The following KIRREL3 variants were observed in gnomAD, a reference collection of about 807,000 sequenced individuals.
KIRREL3 encodes kirre like nephrin family adhesion molecule 3.
KIRREL3 carries 36 observed loss-of-function variants against 89.7 expected under a neutral mutation model. The ratio of observed to expected loss-of-function variants is 0.40; its 90% CI spans 0.31 to 0.53. The LOEUF is 0.53. Ranked by LOEUF, KIRREL3 falls within the 20% of genes least tolerant of loss-of-function variation. The pLI is 0.49. For missense variants in KIRREL3, 864 were observed against 1,056.6 expected (o/e 0.82, Z 2.53); for synonymous variants, 445 against 441.4 (o/e 1.01, Z -0.10).
At position 126,783,979 on chromosome 11, in the gene KIRREL3, C is replaced by G. The variant is rs1010461262; in HGVS notation, c.55+216476G>C. Among the ~76,000 whole-genome samples the G allele has an allele frequency of 1.3e-5, 2 of 152,308 alleles. No homozygotes were observed. The highest frequency in any genetic ancestry group is 2.9e-5 in the Non-Finnish European group (2 of 68,036). On this transcript the variant is annotated intron_variant, in intron 1 of 16. Transcript: ENST00000525144. The surrounding 1 kb of genome is among the most constrained non-coding windows in gnomAD (Gnocchi z 4.3). Reference sequence around the variant, plus strand: ...TTGTCTTTGTGGTCTTCCCCCTCGACCTCAGTGTAATCTTGAAAAGAGCAT... The same window carrying G: ...TTGTCTTTGTGGTCTTCCCCCTCGAGCTCAGTGTAATCTTGAAAAGAGCAT...
intron 1 of KIRREL3, among the ~76,000 whole-genome samples, chr11:126,583,618 C>T (rs1234882909): frequency 6.6e-6 from 1 of 152,176 alleles, no homozygotes; most frequent in African/African-American, 2.4e-5. Flanking sequence ...AATTGTGGGA[C>T]CCCGGGCAAG....
At chr11:126,820,357 C>T (rs1943167597) in intron 1 of KIRREL3, among the ~76,000 whole-genome samples, 1 of 152,208 alleles carries the variant, frequency 6.6e-6, no homozygotes, top group South Asian at 2.1e-4. Flanking sequence ...GCAAGCCAAC[C>T]TTTTCCTGCA....
chr11:126,711,391 C>A (rs1179298608), intron 1 of KIRREL3, among the ~76,000 whole-genome samples: 1 of 152,136 alleles, frequency 6.6e-6, no homozygotes, highest in Non-Finnish European at 1.5e-5. Context: ...GAACCCCCCA[C>A]CTCTACTAAA....
intron 7 of KIRREL3, among the ~76,000 whole-genome samples, chr11:126,450,612 C>T (rs1324117393): frequency 7.7e-6 from 1 of 130,340 alleles, no homozygotes; most frequent in Admixed American, 7.8e-5. Context: ...TGTCCATCGG[C>T]GTGTGCGAGC....
Position 126,687,590 on chromosome 11 carries a change from A to G in KIRREL3, c.56-124678T>C, listed in dbSNP as rs1384745941. On this transcript the variant is annotated intron_variant, in intron 1 of 16. Transcript: ENST00000525144. This position sits in a 1 kb window ranked among gnomAD's most constrained non-coding sequence, Gnocchi z 4.6. ...CTACTTCCTAAGACATTCTTCTGCT[A>G]CCATCTCTTGCATGCTCAGTTCATT... is the stretch of plus-strand genomic sequence containing the variant. Among the ~76,000 whole-genome samples the G allele has an allele frequency of 1.3e-5, 2 of 152,312 alleles. No homozygotes were observed. The highest frequency in any genetic ancestry group is 6.8e-3 in the Middle Eastern group (2 of 294).
At position 126,668,693 on chromosome 11, in the gene KIRREL3, T is replaced by TTTTCTTTTTCTTTC. The variant is rs766038535; in HGVS notation, c.56-105782_56-105781insGAAAGAAAAAGAAA. Among the ~76,000 whole-genome samples the TTTTCTTTTTCTTTC allele has an allele frequency of 6.8e-4, 86 of 126,708 alleles. No homozygotes were observed. Among genetic ancestry groups the TTTTCTTTTTCTTTC allele is most frequent in the African/African-American group, 2.5e-3 (83 of 32,556 alleles). The allele number at this position is 126,708 out of a possible 152,430, so 83.1% of individuals were successfully genotyped here. A position where few individuals can be genotyped will look rare whatever the true frequency, so the allele number is the denominator to read the frequency against. Reference sequence around the variant, plus strand: ...TAAAGAGCTGTTGGGAAGTTTCTGTTTTTCTTTCTTTCTTTCTTTCTTTCT... The same window carrying TTTTCTTTTTCTTTC: ...TAAAGAGCTGTTGGGAAGTTTCTGTTTTTCTTTTTCTTTCTTTCTTTCTTTCTTTCTTTCTTTCT... On this transcript the variant is annotated intron_variant, in intron 1 of 16. Coordinates refer to ENST00000525144, the MANE Select transcript of KIRREL3 (RefSeq NM_032531.4). This position sits in a 1 kb window ranked among gnomAD's most constrained non-coding sequence, Gnocchi z 4.4.
At chr11:126,735,774 C>G (rs1948780390) in intron 1 of KIRREL3, among the ~76,000 whole-genome samples, 3 of 152,210 alleles carry the variant, frequency 2.0e-5, no homozygotes, top group Non-Finnish European at 2.9e-5. Context: ...TTTGAGTGAA[C>G]AAATCCAGCT....
At position 126,697,573 on chromosome 11, in the gene KIRREL3, G is replaced by C. The variant is rs369790880; in HGVS notation, c.56-134661C>G. 6.6e-6 allele frequency among the ~76,000 whole-genome samples: 1 copy of C among 152,194 alleles called. No homozygotes were observed. The highest frequency in any genetic ancestry group is 2.4e-5 in the African/African-American group (1 of 41,462). On this transcript the variant is annotated intron_variant, in intron 1 of 16. Transcript: ENST00000525144. This position sits in a 1 kb window ranked among gnomAD's most constrained non-coding sequence, Gnocchi z 4.2. ...TGAATGAATACATGAATAGTGATTA[G>C]AGATGAGGCCCCAGGACCTATAGCT...
rs1043212900 is a variant in KIRREL3, at chr11:126,620,552, T to G, written c.56-57640A>C. Among the ~76,000 whole-genome samples the G allele has an allele frequency of 3.9e-5, 6 of 152,192 alleles. No individual in the cohort carries two copies. The highest frequency in any genetic ancestry group is 1.4e-4 in the African/African-American group (6 of 41,436). ...TGTGCATGTGTGTTGTGTATGCATT[T>G]CTAGGAGGAGAGTCCATAGCTCTCA... is the stretch of plus-strand genomic sequence containing the variant. On this transcript the variant is annotated intron_variant, in intron 1 of 16. Transcript: ENST00000525144. The surrounding 1 kb of genome is among the most constrained non-coding windows in gnomAD (Gnocchi z 4.8).
chr11:126,972,098 G>A (rs1405691705), intron 1 of KIRREL3, among the ~76,000 whole-genome samples: 3 of 150,708 alleles, frequency 2.0e-5, no homozygotes, highest in Admixed American at 6.6e-5. Flanking sequence ...CTTTTTCACT[G>A]GAAAATATCA....
In KIRREL3 at chr11:126,744,597, C is replaced by T. The variant is rs181843804; in HGVS notation, c.56-181685G>A. Among the ~76,000 whole-genome samples the T allele has an allele frequency of 1.1e-3, 164 of 152,314 alleles. No homozygotes were observed. Among genetic ancestry groups the T allele is most frequent in the Non-Finnish European group, 1.9e-3 (127 of 68,030 alleles). ...CTGGAACAATACAGAACAGACAGAGCCACTAAATGGGGCTGAGGAAAAGCA... is the reference window on the plus strand; with the variant it reads ...CTGGAACAATACAGAACAGACAGAGTCACTAAATGGGGCTGAGGAAAAGCA... On this transcript the variant is annotated intron_variant, in intron 1 of 16. Coordinates refer to ENST00000525144, the MANE Select transcript of KIRREL3 (RefSeq NM_032531.4). This position sits in a 1 kb window ranked among gnomAD's most constrained non-coding sequence, Gnocchi z 4.7.
intron 5 of KIRREL3, 147 bp downstream of exon 5, chr11:126,473,162 T>A: frequency 7.8e-5 from 3 of 38,328 alleles, no homozygotes; most frequent in Non-Finnish European, 1.4e-4. Context: ...CCTCCACCCC[T>A]CCTAGTCCCC....
At chr11:127,001,031 G>T (rs887525908), upstream of KIRREL3, 4 of 179,396 alleles carry the variant, frequency 2.2e-5, no homozygotes, top group Admixed American at 6.2e-5. Context: ...TGACCAAAAG[G>T]CATCTTGAGC....
chr11:126,834,417 A>G (rs886595575), intron 1 of KIRREL3, among the ~76,000 whole-genome samples: 1 of 152,230 alleles, frequency 6.6e-6, no homozygotes, highest in African/African-American at 2.4e-5. Context: ...ACTCACAGAT[A>G]AAATGTGGAA....
chr11:126,634,105 C>A (rs528263951), intron 1 of KIRREL3, among the ~76,000 whole-genome samples: 2 of 152,178 alleles, frequency 1.3e-5, no homozygotes, highest in Non-Finnish European at 2.9e-5. Context: ...GAAGGGAACA[C>A]GTTCTCTTTT....
intron 2 of KIRREL3, among the ~76,000 whole-genome samples, chr11:126,546,529 G>A (rs1358026053): frequency 1.3e-5 from 2 of 152,254 alleles, no homozygotes; most frequent in South Asian, 4.1e-4. Context: ...CAAGCGGGCC[G>A]CTTTCTGTCC....
intron 15 of KIRREL3, among the ~76,000 whole-genome samples, chr11:126,426,895 A>G (rs1954960596): frequency 6.6e-6 from 1 of 152,174 alleles, no homozygotes; most frequent in South Asian, 2.1e-4. Context: ...CTTCTTTCCC[A>G]TCAGATTCAA....
chr11:126,949,632 T>C (rs138429398), intron 1 of KIRREL3, among the ~76,000 whole-genome samples: 2 of 152,206 alleles, frequency 1.3e-5, no homozygotes, highest in East Asian at 3.9e-4. Flanking sequence ...AGCATGCTGT[T>C]GTTAGACAAA....
chr11:126,897,256 C>T lies in KIRREL3; in HGVS notation c.55+103199G>A, dbSNP rs564487676. On this transcript the variant is annotated intron_variant, in intron 1 of 16. Coordinates refer to ENST00000525144, the MANE Select transcript of KIRREL3 (RefSeq NM_032531.4). The surrounding 1 kb of genome is among the most constrained non-coding windows in gnomAD (Gnocchi z 4.2). ...CCTGCTGAGTGTTTTCCCAGGCTGGCGGGGAATCTCATGAGGAGGAGATCA... is the reference window on the plus strand; with the variant it reads ...CCTGCTGAGTGTTTTCCCAGGCTGGTGGGGAATCTCATGAGGAGGAGATCA... Among the ~76,000 whole-genome samples the T allele has an allele frequency of 4.1e-3, 619 of 152,030 alleles. 2 individuals carry two copies. The highest frequency in any genetic ancestry group is 0.011 in the African/African-American group (442 of 41,486).
Sources: allele counts gnomAD v4.1 joint callset (sites outside exome capture counted in the v4.1 genomes callset), GRCh38; gene constraint gnomAD v4.1.1; non-coding constraint Gnocchi (gnomAD v3.1); transcripts MANE v1.5; gene names NCBI Gene and HGNC (gene_info 2026-07-23, HGNC 2026-07-21).